The following PAX7 variants were observed in gnomAD, a reference collection of about 807,000 sequenced individuals.
PAX7 encodes the protein paired box 7.
In PAX7, 18 loss-of-function variants were observed where a neutral mutation model predicts 50.7. The ratio of observed to expected loss-of-function variants is 0.36; its 90% CI spans 0.25 to 0.53. The LOEUF (loss-of-function observed/expected upper bound fraction) is 0.53, where lower values mean the gene tolerates loss of function less well. Among genes scored for constraint, PAX7 ranks in the 20% least tolerant of loss-of-function variants. PAX7 has a pLI of 0.93. For synonymous variants in PAX7, 310 were observed against 290.4 expected, an observed-to-expected ratio of 1.07 and a Z score of -0.69; for missense variants, 644 against 702.9, an observed-to-expected ratio of 0.92 and a Z score of 0.95.
rs1931379012 is a variant in PAX7, at chr1:18,745,147, T to G, written c.*218T>G. ...TGCCCTTGGAGTCTGCTCCCCACTT[T>G]CCCCAAGGAGGGTTTCTGGTCAGCC... On this transcript the variant is annotated 3_prime_UTR_variant, in exon 9 of 9. Coordinates refer to ENST00000420770, the MANE Select transcript of PAX7 (RefSeq NM_001135254.2). 1 of 568,552 alleles carries G rather than the reference T, an allele frequency of 1.8e-6. No individual in the cohort carries two copies. 35.2% of individuals were successfully genotyped at this position (568,552 alleles called of 1,614,324 possible).
chr1:18,741,814 G>A (rs1240486142), intron 8 of PAX7, among the ~76,000 whole-genome samples: 1 of 152,210 alleles, frequency 6.6e-6, no homozygotes, highest in Non-Finnish European at 1.5e-5. Flanking sequence ...GGGGTGCAGA[G>A]CACCTCGTGC....
intron 7 of PAX7, among the ~76,000 whole-genome samples, chr1:18,718,129 G>T (rs1008614870): frequency 6.6e-6 from 1 of 152,220 alleles, no homozygotes; most frequent in Non-Finnish European, 1.5e-5. Context: ...GGGTGTCAGG[G>T]ACAGGAGAGC....
At chr1:18,725,140 AG>A (rs566977283) in intron 7 of PAX7, among the ~76,000 whole-genome samples, 29 of 152,192 alleles carry the variant, frequency 1.9e-4, no homozygotes, top group African/African-American at 6.3e-4. Flanking sequence ...TGTTCCTGGG[AG>A]GGGGCAAGCC....
intron 7 of PAX7, among the ~76,000 whole-genome samples, chr1:18,732,886 A>G (rs1443123132): frequency 6.6e-6 from 1 of 152,104 alleles, no homozygotes; most frequent in Non-Finnish European, 1.5e-5. Context: ...GGAGGGAAGG[A>G]TCAAACTGGA....
chr1:18,739,999 A>T (rs115003639), intron 8 of PAX7, among the ~76,000 whole-genome samples: 6 of 152,196 alleles, frequency 3.9e-5, no homozygotes, highest in Admixed American at 2.0e-4. Flanking sequence ...CTGCGGGCTG[A>T]CGAGGCGCTG....
At chr1:18,734,690 G>T (rs890761017) in intron 7 of PAX7, among the ~76,000 whole-genome samples, 1 of 152,110 alleles carries the variant, frequency 6.6e-6, no homozygotes, top group Non-Finnish European at 1.5e-5. Flanking sequence ...ACTACTCCAT[G>T]TCTCTATGAT....
chr1:18,696,833 T>C (rs1221535128), intron 5 of PAX7, among the ~76,000 whole-genome samples: 1 of 152,148 alleles, frequency 6.6e-6, no homozygotes, highest in African/African-American at 2.4e-5. Context: ...TGTATTTGTA[T>C]TTGATAACAC....
intron 4 of PAX7, among the ~76,000 whole-genome samples, chr1:18,664,836 A>G (rs2088646102): frequency 6.6e-6 from 1 of 151,856 alleles, no homozygotes; most frequent in Non-Finnish European, 1.5e-5. Context: ...ATGATGGTAA[A>G]CCCCAAATCC....
intron 4 of PAX7, among the ~76,000 whole-genome samples, chr1:18,652,224 C>G (rs935163421): frequency 6.6e-6 from 1 of 151,880 alleles, no homozygotes; most frequent in African/African-American, 2.4e-5. Context: ...CCACCCTTAA[C>G]CTCAACTGGC....
intron 4 of PAX7, among the ~76,000 whole-genome samples, chr1:18,652,335 G>C (rs1490539065): frequency 6.6e-6 from 1 of 152,058 alleles, no homozygotes; most frequent in Non-Finnish European, 1.5e-5. Flanking sequence ...TATGTGCCAG[G>C]CGCTATTCCT....
rs1412225733 is a variant in PAX7, at chr1:18,746,310, C to T, written c.*1381C>T. Reference sequence around the variant, plus strand: ...CAGTTTTCAAGCTACCAGCCCTGGGCAGAGGAAGATGTCAACAATTCCAGA... The same window carrying T: ...CAGTTTTCAAGCTACCAGCCCTGGGTAGAGGAAGATGTCAACAATTCCAGA... On this transcript the variant is annotated 3_prime_UTR_variant, in exon 9 of 9. Coordinates refer to ENST00000420770, the MANE Select transcript of PAX7 (RefSeq NM_001135254.2). 1 of 229,946 alleles carries T rather than the reference C, an allele frequency of 4.3e-6. No homozygotes were observed. The highest frequency in any genetic ancestry group is 2.2e-5 in the African/African-American group (1 of 45,148). 14.2% of individuals were successfully genotyped at this position (229,946 alleles called of 1,614,324 possible).
intron 4 of PAX7, among the ~76,000 whole-genome samples, chr1:18,656,180 C>T (rs751501995): frequency 3.9e-5 from 6 of 152,180 alleles, no homozygotes; most frequent in Non-Finnish European, 8.8e-5. Context: ...ATTCTTGTTG[C>T]TGTGATTGAT....
intron 7 of PAX7, among the ~76,000 whole-genome samples, chr1:18,722,543 G>T (rs555013903): frequency 1.1e-4 from 17 of 152,310 alleles, no homozygotes; most frequent in South Asian, 4.1e-4. Context: ...AGCTAAACAA[G>T]AAGGTGTGGG....
At chr1:18,639,608 G>C (rs934634136) in intron 4 of PAX7, among the ~76,000 whole-genome samples, 1 of 152,156 alleles carries the variant, frequency 6.6e-6, no homozygotes, top group Non-Finnish European at 1.5e-5. Flanking sequence ...GGACCCAACA[G>C]GGAGGGGATT....
chr1:18,679,139 G>A (rs1344666467), intron 4 of PAX7, among the ~76,000 whole-genome samples: 1 of 152,238 alleles, frequency 6.6e-6, no homozygotes, highest in African/African-American at 2.4e-5. Flanking sequence ...CCCACTGGGG[G>A]ATGCTGCATG....
intron 7 of PAX7, among the ~76,000 whole-genome samples, chr1:18,711,857 G>C (rs1245895243): frequency 6.6e-6 from 1 of 152,152 alleles, no homozygotes; most frequent in African/African-American, 2.4e-5. Flanking sequence ...TCTTGGACCT[G>C]AAGCCGAATG....
chr1:18,639,721 G>A (rs897393825), intron 4 of PAX7, among the ~76,000 whole-genome samples: 1 of 152,202 alleles, frequency 6.6e-6, no homozygotes, highest in Admixed American at 6.5e-5. Flanking sequence ...CCGTTCCTCA[G>A]TGGGAGCTGA....
intron 4 of PAX7, among the ~76,000 whole-genome samples, chr1:18,679,066 C>T (rs981362119): frequency 2.0e-5 from 3 of 152,184 alleles, no homozygotes; most frequent in Admixed American, 6.5e-5. Context: ...AAAGGTGCTT[C>T]GTAAGGTCAA....
chr1:18,692,811 G>A lies in PAX7; in HGVS notation c.786+858G>A, dbSNP rs570996280. Among the ~76,000 whole-genome samples the A allele has an allele frequency of 3.4e-3, 516 of 152,304 alleles. 3 individuals are homozygous for A. The highest frequency in any genetic ancestry group is 7.7e-3 in the Admixed American group (118 of 15,312). On this transcript the variant is annotated intron_variant, in intron 5 of 8. Coordinates refer to ENST00000420770, the MANE Select transcript of PAX7 (RefSeq NM_001135254.2). ...AAAGACCCTGAACATCCCCTCCATG[G>A]CCTCAATATATGGGAAGGAAGAGGG...
Sources: allele counts gnomAD v4.1 joint callset (sites outside exome capture counted in the v4.1 genomes callset), GRCh38; gene constraint gnomAD v4.1.1; transcripts MANE v1.5; gene names NCBI Gene and HGNC (gene_info 2026-07-23, HGNC 2026-07-21).